Variants in PPP1R21 observed in about 807,000 individuals in gnomAD.
PPP1R21 encodes the protein protein phosphatase 1 regulatory subunit 21, also known as KLRAQ motif containing 1.
PPP1R21 carries 85 observed loss-of-function variants against 112.8 expected under a neutral mutation model. The ratio of observed to expected loss-of-function variants is 0.75; its 90% confidence interval spans 0.63 to 0.90. PPP1R21 has a LOEUF of 0.90. Among genes scored for constraint, PPP1R21 ranks in the 40% least tolerant of loss-of-function variants. The pLI is 0.00. For synonymous variants in PPP1R21, 381 were observed against 322.3 expected (o/e 1.18, Z -1.95); for missense variants, 1,199 against 901.5 (o/e 1.33, Z -4.23).
rs529006373 is a variant in PPP1R21, at chr2:48,489,892, A to G, written c.1447-1126A>G. Among the ~76,000 whole-genome samples the G allele has an allele frequency of 7.2e-5, 11 of 152,054 alleles. No homozygotes were observed. The South Asian group carries it at 2.1e-3, about 29-fold the overall frequency. ...AACCCCGTCTCTACTAAAAGTACAAAAATTAGCTGGGACGTGGTGGTGCAC... is the reference window on the plus strand; with the variant it reads ...AACCCCGTCTCTACTAAAAGTACAAGAATTAGCTGGGACGTGGTGGTGCAC... On this transcript the variant is annotated intron_variant, in intron 14 of 21. Transcript: ENST00000294952.
intron 15 of PPP1R21, among the ~76,000 whole-genome samples, chr2:48,495,247 A>G (rs1262090608): frequency 6.6e-6 from 1 of 151,726 alleles, no homozygotes; most frequent in Non-Finnish European, 1.5e-5. Flanking sequence ...TCTGTTGTCC[A>G]GGCTAGAGTG....
At chr2:48,493,446 TA>T (rs1669662962) in intron 15 of PPP1R21, among the ~76,000 whole-genome samples, 1 of 152,252 alleles carries the variant, frequency 6.6e-6, no homozygotes, top group Non-Finnish European at 1.5e-5. Context: ...TTTATTTTTG[TA>T]TCATCAAATA....
chr2:48,469,513 T>G (rs1292728545), intron 9 of PPP1R21, among the ~76,000 whole-genome samples: 1 of 4,458 alleles, frequency 2.2e-4, no homozygotes, highest in Non-Finnish European at 4.1e-4. Flanking sequence ...ATAGAGCATA[T>G]ATATATATAT....
chr2:48,498,208 A>G (rs1336553855), intron 16 of PPP1R21, among the ~76,000 whole-genome samples: 2 of 151,742 alleles, frequency 1.3e-5, no homozygotes, highest in Non-Finnish European at 1.5e-5. Context: ...TCTGTTGGAT[A>G]AATGCTTTAC....
chr2:48,497,865 A>G lies in PPP1R21; in HGVS notation c.1693-628A>G, dbSNP rs1669919078. ...ATGGGGTTTCACTGTGTTAGCCAGG[A>G]TGGTCTCGATCTCCTGACCTCGTGA... On this transcript the variant is annotated intron_variant, in intron 16 of 21. Coordinates refer to ENST00000294952, the MANE Select transcript of PPP1R21 (RefSeq NM_001135629.3). Among the ~76,000 whole-genome samples, 9 of 151,924 alleles carry G rather than the reference A, an allele frequency of 5.9e-5. No individual in the cohort carries two copies. In the South Asian group the frequency reaches 1.9e-3, roughly 32 times the overall value.
In PPP1R21 at chr2:48,471,175, C is replaced by T; in HGVS notation, c.986C>T (p.Thr329Ile). Reference protein sequence around the residue: ...LHLFESITEDTVTVLETTVKL... With the variant: ...LHLFESITEDIVTVLETTVKL... ...TTATTTGAAAGTATCACTGAGGATA[C>T]TGTGACTGTCTTGGTAATTTTCTTC... Residue 329 changes from threonine to isoleucine, a missense_variant, in exon 10 of 22, where the codon ACT becomes ATT. Physicochemically the swap from Thr to Ile is moderately conservative, Grantham distance 89. Coordinates refer to ENST00000294952, the MANE Select transcript of PPP1R21 (RefSeq NM_001135629.3). 1 of 1,611,440 alleles carries T rather than the reference C, an allele frequency of 6.2e-7. No individual in the cohort carries two copies. Among genetic ancestry groups the T allele is most frequent in the Non-Finnish European group, 8.5e-7 (1 of 1,177,660 alleles).
Position 48,477,372 on chromosome 2 carries a change from C to T in PPP1R21, c.1226-2552C>T, listed in dbSNP as rs186686334. The stretch of plus-strand genomic sequence containing the variant: ...CTAGCCTCAGGTGATCTGCCCATCT[C>T]GGCCTCCCAAAATGCTGGGATTACA... On this transcript the variant is annotated intron_variant, in intron 12 of 21. Transcript: ENST00000294952. Among the ~76,000 whole-genome samples, 87 of 152,158 alleles carry T rather than the reference C, an allele frequency of 5.7e-4. 2 individuals carry two copies. Among genetic ancestry groups the T allele is most frequent in the African/African-American group, 1.9e-3 (79 of 41,534 alleles).
intron 13 of PPP1R21, among the ~76,000 whole-genome samples, chr2:48,485,407 A>G (rs1669239616): frequency 6.6e-6 from 1 of 152,008 alleles, no homozygotes; most frequent in Non-Finnish European, 1.5e-5. Context: ...TCAAAAATAT[A>G]TTGAATGTAA....
chr2:48,442,377 G>A (rs1667069014), intron 1 of PPP1R21, among the ~76,000 whole-genome samples: 1 of 152,190 alleles, frequency 6.6e-6, no homozygotes. Flanking sequence ...AAGCTCAGAA[G>A]GCCATTACAA....
chr2:48,482,441 G>C (rs1669057880), intron 13 of PPP1R21, among the ~76,000 whole-genome samples: 1 of 152,142 alleles, frequency 6.6e-6, no homozygotes, highest in Admixed American at 6.5e-5. Flanking sequence ...AAGTACATGT[G>C]CTCTGGAAGG....
chr2:48,481,646 G>T (rs1228129801), intron 13 of PPP1R21, among the ~76,000 whole-genome samples: 2 of 152,188 alleles, frequency 1.3e-5, no homozygotes, highest in Non-Finnish European at 2.9e-5. Context: ...GGGAAGCTGA[G>T]TGGGAAGATC....
chr2:48,477,758 AAGAAGT>A (rs1452478371), intron 12 of PPP1R21, among the ~76,000 whole-genome samples: 1 of 152,026 alleles, frequency 6.6e-6, no homozygotes, highest in Non-Finnish European at 1.5e-5. Context: ...GATGTCTACA[AAGAAGT>A]CAGTTGGGAT....
At chr2:48,461,823 T>C (rs564824910) in intron 7 of PPP1R21, among the ~76,000 whole-genome samples, 3 of 152,358 alleles carry the variant, frequency 2.0e-5, no homozygotes, top group African/African-American at 7.2e-5. Flanking sequence ...GTTTGGATTT[T>C]GAAACTTACA....
intron 17 of PPP1R21, among the ~76,000 whole-genome samples, chr2:48,502,390 A>G (rs1239108933): frequency 6.6e-6 from 1 of 152,190 alleles, no homozygotes; most frequent in Non-Finnish European, 1.5e-5. Context: ...CACACAGTGC[A>G]CAATAGAAAT....
chr2:48,505,492 T>C, intron 17 of PPP1R21, 72 bp from the exon 18 acceptor site: 2 of 1,141,718 alleles, frequency 1.8e-6, no homozygotes, highest in Non-Finnish European at 2.6e-6. Context: ...GAGAAAATAT[T>C]AAAAGCGTTT....
At chr2:48,441,719 C>T (rs1307550077) in intron 1 of PPP1R21, among the ~76,000 whole-genome samples, 1 of 152,208 alleles carries the variant, frequency 6.6e-6, no homozygotes, top group East Asian at 1.9e-4. Flanking sequence ...AATGATATAA[C>T]CCTTTCCTTG....
At position 48,449,846 on chromosome 2, in the gene PPP1R21, G is replaced by T. The variant is rs142677604; in HGVS notation, c.58-1162G>T. 3.3e-3 allele frequency among the ~76,000 whole-genome samples: 493 copies of T among 151,054 alleles called. 3 individuals are homozygous for T. The highest frequency in any genetic ancestry group is 0.018 in the South Asian group (84 of 4,790). ...AAGAACCTGGTCTTTCATGATATCTGCACTGAGCCCTGGGAATATTAGTCT... is the reference window on the plus strand; with the variant it reads ...AAGAACCTGGTCTTTCATGATATCTTCACTGAGCCCTGGGAATATTAGTCT... On this transcript the variant is annotated intron_variant, in intron 1 of 21. Transcript: ENST00000294952.
At chr2:48,467,699 C>A (rs1572849955) in intron 9 of PPP1R21, among the ~76,000 whole-genome samples, 1 of 152,176 alleles carries the variant, frequency 6.6e-6, no homozygotes, top group South Asian at 2.1e-4. Context: ...TTGACATAGC[C>A]TAGGTAGTCA....
intron 12 of PPP1R21, among the ~76,000 whole-genome samples, chr2:48,475,426 C>T (rs941284468): frequency 6.6e-6 from 1 of 152,104 alleles, no homozygotes; most frequent in Non-Finnish European, 1.5e-5. Flanking sequence ...AATTCCTTTC[C>T]CTTCCTTCCT....
Sources: allele counts gnomAD v4.1 joint callset (sites outside exome capture counted in the v4.1 genomes callset), GRCh38; gene constraint gnomAD v4.1.1; transcripts MANE v1.5; gene names NCBI Gene and HGNC (gene_info 2026-07-23, HGNC 2026-07-21).